The following ZNRF1 variants were observed in gnomAD, a reference collection of about 807,000 sequenced individuals.
ZNRF1 encodes E3 ubiquitin-protein ligase ZNRF1.
ZNRF1 carries 3 observed loss-of-function variants against 18.4 expected under a neutral mutation model. That is an observed-to-expected ratio of 0.16 (90% CI 0.07 to 0.42). The LOEUF (loss-of-function observed/expected upper bound fraction) is 0.42, where lower values mean the gene tolerates loss of function less well. Among genes scored for constraint, ZNRF1 ranks in the 10% least tolerant of loss-of-function variants. The pLI, the probability that ZNRF1 is intolerant of heterozygous loss-of-function variation, is 0.99. For synonymous variants in ZNRF1, 157 were observed against 144.2 expected (o/e 1.09, Z -0.64); for missense variants, 310 against 329.8 (o/e 0.94, Z 0.47).
In ZNRF1 at chr16:75,003,688, C is replaced by G. The variant is rs528215446; in HGVS notation, c.424+3593C>G. Among the ~76,000 whole-genome samples the G allele has an allele frequency of 7.9e-5, 12 of 152,310 alleles. No individual in the cohort carries two copies. In the South Asian group the frequency reaches 2.5e-3, roughly 32 times the overall value. The stretch of plus-strand genomic sequence containing the variant: ...GCCGCATGGTGTCCTGGAGATTGCG[C>G]TGGCCTACGAGTCAGAGTGCTAGGC... On this transcript the variant is annotated intron_variant, in intron 1 of 4. Coordinates refer to ENST00000335325, the MANE Select transcript of ZNRF1 (RefSeq NM_032268.5).
intron 1 of ZNRF1, among the ~76,000 whole-genome samples, chr16:75,008,748 G>C (rs1000564390): frequency 6.6e-6 from 1 of 152,146 alleles, no homozygotes; most frequent in Admixed American, 6.6e-5. Context: ...CACTCCTTAA[G>C]AGTCTGAATA....
chr16:75,054,869 G>T (rs1411731862), intron 1 of ZNRF1, among the ~76,000 whole-genome samples: 6 of 152,172 alleles, frequency 3.9e-5, no homozygotes, highest in African/African-American at 7.2e-5. Flanking sequence ...AGCCCTTCTT[G>T]TCTCTAGCCT....
intron 1 of ZNRF1, among the ~76,000 whole-genome samples, chr16:75,030,631 C>T (rs1394089585): frequency 6.6e-6 from 1 of 152,038 alleles, no homozygotes; most frequent in Non-Finnish European, 1.5e-5. Flanking sequence ...ACCCCATAAC[C>T]ATTAGCAGTA....
chr16:75,010,830 C>T (rs1295190242), intron 1 of ZNRF1, among the ~76,000 whole-genome samples: 1 of 149,416 alleles, frequency 6.7e-6, no homozygotes, highest in African/African-American at 2.5e-5. Flanking sequence ...CTTGCTTCAG[C>T]CTCCCAAGTA....
At chr16:75,063,773 G>C (rs186807100) in intron 1 of ZNRF1, among the ~76,000 whole-genome samples, 10 of 152,262 alleles carry the variant, frequency 6.6e-5, no homozygotes, top group African/African-American at 2.4e-4. Flanking sequence ...CTCAATCAGA[G>C]AAGGAGTGAG....
At chr16:75,015,917 TTTTC>T (rs1335218599) in intron 1 of ZNRF1, among the ~76,000 whole-genome samples, 1 of 145,606 alleles carries the variant, frequency 6.9e-6, no homozygotes, top group Non-Finnish European at 1.5e-5. Context: ...TACGCTTTTC[TTTTC>T]TTTTTTTTTT....
intron 1 of ZNRF1, among the ~76,000 whole-genome samples, chr16:75,017,639 A>G (rs1015560052): frequency 2.0e-5 from 3 of 152,234 alleles, no homozygotes; most frequent in African/African-American, 7.2e-5. Context: ...CACTTAGACT[A>G]GGCCTAAAAC....
chr16:75,026,342 CAA>C (rs996187763), intron 1 of ZNRF1, among the ~76,000 whole-genome samples: 11 of 151,886 alleles, frequency 7.2e-5, no homozygotes, highest in African/African-American at 2.4e-4. Context: ...AACCTGGAAA[CAA>C]GAGTTTAGAA....
At chr16:75,074,873 G>C (rs958709503) in intron 1 of ZNRF1, among the ~76,000 whole-genome samples, 1 of 152,186 alleles carries the variant, frequency 6.6e-6, no homozygotes, top group African/African-American at 2.4e-5. Context: ...TTGGAGGCCA[G>C]CCTGGGCAAC....
At chr16:75,013,094 A>T (rs2035020409) in intron 1 of ZNRF1, among the ~76,000 whole-genome samples, 1 of 152,212 alleles carries the variant, frequency 6.6e-6, no homozygotes, top group East Asian at 1.9e-4. Flanking sequence ...AGGAAAAAGC[A>T]ATTAGGAACC....
At chr16:75,090,139 G>T (rs750304612) in intron 1 of ZNRF1, among the ~76,000 whole-genome samples, 6 of 152,018 alleles carry the variant, frequency 3.9e-5, no homozygotes, top group Non-Finnish European at 5.9e-5. Flanking sequence ...TTGGTCTTTG[G>T]GGTTGAAAAA....
intron 2 of ZNRF1, among the ~76,000 whole-genome samples, chr16:75,102,258 G>C (rs1480311186): frequency 6.6e-6 from 1 of 152,118 alleles, no homozygotes; most frequent in Non-Finnish European, 1.5e-5. Flanking sequence ...GCAATGGGAA[G>C]GCCTCTTAAG....
chr16:75,106,882 G>A, intron 4 of ZNRF1: 1 of 268,816 alleles, frequency 3.7e-6, no homozygotes, highest in South Asian at 4.9e-5. Flanking sequence ...TGCACGGGCA[G>A]GAAAAGGAGC....
intron 1 of ZNRF1, among the ~76,000 whole-genome samples, chr16:75,017,128 C>T (rs1052975238): frequency 2.6e-5 from 4 of 152,074 alleles, no homozygotes; most frequent in African/African-American, 9.7e-5. Context: ...GCAGAGTAAA[C>T]AGTTCTGTAT....
rs374451771 is a variant in ZNRF1, at chr16:75,073,118, A to ATC, written c.425-20420_425-20419dup. On this transcript the variant is annotated intron_variant, in intron 1 of 4. Transcript: ENST00000335325. Reference sequence around the variant, plus strand: ...AACCTGGGTAACATAGTGAGACCCCATCTCTCTCTCTCTCTCTCTCTCTCT... The same window carrying ATC: ...AACCTGGGTAACATAGTGAGACCCCATCTCTCTCTCTCTCTCTCTCTCTCTCT... Among the ~76,000 whole-genome samples the ATC allele has an allele frequency of 5.2e-3, 670 of 128,414 alleles. 5 individuals carry two copies. Among genetic ancestry groups the ATC allele is most frequent in the African/African-American group, 0.017 (561 of 33,244 alleles). 84.2% of individuals were successfully genotyped at this position (128,414 alleles called of 152,430 possible). A position where few individuals can be genotyped will look rare whatever the true frequency, so the allele number is the denominator to read the frequency against.
rs188286109 is a variant in ZNRF1, at chr16:75,106,720, C to T, written c.*32+149C>T. The stretch of plus-strand genomic sequence containing the variant: ...AGCACCTCATCAGTGAGCAGTTAGT[C>T]ATCCGGAAATGATTTTCCCTGGGAA... On this transcript the variant is annotated intron_variant, in intron 4 of 4. Transcript: ENST00000335325. 761 of 611,694 alleles carry T rather than the reference C, an allele frequency of 1.2e-3. 11 individuals carry two copies. In the Admixed American group the frequency reaches 0.019, roughly 15 times the overall value. 37.9% of individuals were successfully genotyped at this position (611,694 alleles called of 1,614,324 possible).
intron 2 of ZNRF1, among the ~76,000 whole-genome samples, chr16:75,094,267 C>T (rs2036174083): frequency 6.6e-6 from 1 of 152,198 alleles, no homozygotes; most frequent in Non-Finnish European, 1.5e-5. Context: ...GCTGCTCCAC[C>T]CTGGCCATGT....
At chr16:75,074,363 A>G (rs2035912244) in intron 1 of ZNRF1, among the ~76,000 whole-genome samples, 1 of 152,170 alleles carries the variant, frequency 6.6e-6, no homozygotes, top group Admixed American at 6.5e-5. Context: ...GACCCTTCCA[A>G]CAGCCCCTTG....
chr16:75,031,191 G>A (rs1169476331), intron 1 of ZNRF1, among the ~76,000 whole-genome samples: 1 of 150,764 alleles, frequency 6.6e-6, no homozygotes, highest in South Asian at 2.1e-4. Context: ...GAGTGAACTG[G>A]CACGATCTTG....
Sources: gnomAD v4.1 joint callset for allele counts (sites outside exome capture counted in the v4.1 genomes callset) on GRCh38, gnomAD v4.1.1 for gene constraint, MANE v1.5 for transcripts, NCBI Gene and HGNC (gene_info 2026-07-23, HGNC 2026-07-21) for gene names.